The following DLG2 variants were observed in gnomAD, a reference collection of about 807,000 sequenced individuals.
DLG2 encodes the protein disks large homolog 2.
In DLG2, 45 loss-of-function variants were observed where a neutral mutation model predicts 132.5. That is an observed-to-expected ratio of 0.34 (90% CI 0.27 to 0.44). The LOEUF is 0.44. DLG2 is among the 20% of genes least tolerant of loss of function. DLG2 has a pLI of 1.00. For missense variants in DLG2, 1,045 were observed against 1,196.9 expected, an observed-to-expected ratio of 0.87 and a Z score of 1.87; for synonymous variants, 424 against 419.6, an observed-to-expected ratio of 1.01 and a Z score of -0.13.
chr11:84,279,784 A>G (rs1315492424), intron 7 of DLG2, among the ~76,000 whole-genome samples: 1 of 152,194 alleles, frequency 6.6e-6, no homozygotes, highest in Admixed American at 6.5e-5. Flanking sequence ...CGGGGAGGGG[A>G]ACATCACACA....
rs533301469 is a variant in DLG2, at chr11:83,971,967, A to T, written c.1057-6499T>A. ...CTTTTCAGAAATGAATATGTATGTC[A>T]TAGAGCAAAATTAACTCTAAATGAG... On this transcript the variant is annotated intron_variant, in intron 12 of 27. Coordinates refer to ENST00000376104, the MANE Select transcript of DLG2 (RefSeq NM_001142699.3). Among the ~76,000 whole-genome samples, 11 of 152,298 alleles carry T rather than the reference A, an allele frequency of 7.2e-5. No individual in the cohort carries two copies. The East Asian group carries it at 2.1e-3, about 29-fold the overall frequency.
In DLG2 at chr11:85,132,139, T is replaced by C. The variant is rs936810906; in HGVS notation, c.283-20404A>G. Among the ~76,000 whole-genome samples the C allele has an allele frequency of 3.9e-5, 6 of 152,326 alleles. No homozygotes were observed. In the South Asian group the frequency reaches 6.2e-4, roughly 16 times the overall value. ...AACAAATCCATAAAACGATTGCCTA[T>C]TGATTTTATTTCATTCCCACTTTTA... On this transcript the variant is annotated intron_variant, in intron 5 of 27. Coordinates refer to ENST00000376104, the MANE Select transcript of DLG2 (RefSeq NM_001142699.3).
At chr11:85,121,914 A>G (rs2074369296) in intron 5 of DLG2, among the ~76,000 whole-genome samples, 1 of 152,160 alleles carries the variant, frequency 6.6e-6, no homozygotes, top group African/African-American at 2.4e-5. Context: ...GTCTATATAT[A>G]CACACACAGA....
chr11:84,930,130 T>C (rs1284343829), intron 6 of DLG2, among the ~76,000 whole-genome samples: 2 of 152,166 alleles, frequency 1.3e-5, no homozygotes, highest in Non-Finnish European at 2.9e-5. Context: ...AAAATCCTGT[T>C]ACTCCTTAAT....
At chr11:84,926,449 GAT>G (rs2092979568) in intron 6 of DLG2, among the ~76,000 whole-genome samples, 1 of 151,814 alleles carries the variant, frequency 6.6e-6, no homozygotes. Flanking sequence ...AGGAATATAA[GAT>G]ATATATACAT....
At chr11:84,239,260 A>C (rs2097197243) in intron 8 of DLG2, among the ~76,000 whole-genome samples, 1 of 150,008 alleles carries the variant, frequency 6.7e-6, no homozygotes, top group African/African-American at 2.5e-5. Flanking sequence ...GGCTCACTGC[A>C]ACCTCAACCT....
At chr11:83,955,273 ATGGT>A (rs890547960) in intron 14 of DLG2, among the ~76,000 whole-genome samples, 33 of 152,212 alleles carry the variant, frequency 2.2e-4, no homozygotes, top group African/African-American at 7.7e-4. Context: ...CAGCTAGGAA[ATGGT>A]GTGATTCAAA....
At chr11:84,657,183 T>G (rs1279211853) in intron 6 of DLG2, among the ~76,000 whole-genome samples, 1 of 152,122 alleles carries the variant, frequency 6.6e-6, no homozygotes, top group Non-Finnish European at 1.5e-5. Flanking sequence ...ACAATGATAA[T>G]CATAGTAATA....
chr11:83,659,559 C>G (rs759899321), intron 18 of DLG2, among the ~76,000 whole-genome samples: 2 of 152,220 alleles, frequency 1.3e-5, no homozygotes, highest in African/African-American at 2.4e-5. Flanking sequence ...GTAAGGTTTT[C>G]TTACAATCTT....
At chr11:83,821,041 C>T (rs2050630127) in intron 17 of DLG2, among the ~76,000 whole-genome samples, 1 of 152,230 alleles carries the variant, frequency 6.6e-6, no homozygotes, top group African/African-American at 2.4e-5. Flanking sequence ...ATTTATTCAT[C>T]ACCTATGAAC....
At chr11:84,148,645 T>A (rs1369045886) in intron 9 of DLG2, among the ~76,000 whole-genome samples, 1 of 152,188 alleles carries the variant, frequency 6.6e-6, no homozygotes, top group African/African-American at 2.4e-5. Flanking sequence ...TGATTCCATG[T>A]CTTTGCTATT....
chr11:85,225,605 G>C (rs1384737016), intron 4 of DLG2, among the ~76,000 whole-genome samples: 1 of 151,830 alleles, frequency 6.6e-6, no homozygotes, highest in Non-Finnish European at 1.5e-5. Flanking sequence ...TCTCTCCACT[G>C]ACTTCTGCCC....
chr11:85,053,138 C>T (rs2063067432), intron 6 of DLG2, among the ~76,000 whole-genome samples: 1 of 152,152 alleles, frequency 6.6e-6, no homozygotes, highest in South Asian at 2.1e-4. Context: ...GAAGGCACTT[C>T]ACCTCTATGG....
intron 21 of DLG2, among the ~76,000 whole-genome samples, chr11:83,508,754 G>A (rs1210568921): frequency 6.6e-6 from 1 of 152,022 alleles, no homozygotes; most frequent in Admixed American, 6.6e-5. Flanking sequence ...TGAGAAAACT[G>A]AGGCTTAGAG....
chr11:84,318,213 G>T (rs2098379821), intron 7 of DLG2, among the ~76,000 whole-genome samples: 1 of 152,130 alleles, frequency 6.6e-6, no homozygotes, highest in South Asian at 2.1e-4. Flanking sequence ...TTCCAAAGAG[G>T]ATTTTTGTGT....
chr11:83,762,259 T>C (rs1037293384), intron 18 of DLG2, among the ~76,000 whole-genome samples: 1 of 152,250 alleles, frequency 6.6e-6, no homozygotes, highest in Admixed American at 6.5e-5. Context: ...GATTGCTGAC[T>C]CAAAAACAAA....
intron 6 of DLG2, among the ~76,000 whole-genome samples, chr11:84,745,353 G>A (rs984139444): frequency 6.6e-6 from 1 of 152,084 alleles, no homozygotes; most frequent in Non-Finnish European, 1.5e-5. Flanking sequence ...AGGAAATCTT[G>A]TTTAAAAGTG....
At chr11:84,105,510 GAACAGATGTCA>G (rs2092841087) in intron 9 of DLG2, among the ~76,000 whole-genome samples, 1 of 152,138 alleles carries the variant, frequency 6.6e-6, no homozygotes, top group Admixed American at 6.6e-5. Context: ...CAGTAAGGGA[GAACAGATGTCA>G]AACAATGTAT....
At chr11:84,892,505 TTGAG>T (rs1393447393) in intron 6 of DLG2, among the ~76,000 whole-genome samples, 5 of 152,262 alleles carry the variant, frequency 3.3e-5, no homozygotes, top group Non-Finnish European at 5.9e-5. Context: ...AATAAATAAA[TTGAG>T]TATTTTTATT....
Sources: allele counts gnomAD v4.1 joint callset (sites outside exome capture counted in the v4.1 genomes callset), GRCh38; gene constraint gnomAD v4.1.1; transcripts MANE v1.5; gene names NCBI Gene and HGNC (gene_info 2026-07-23, HGNC 2026-07-21).